RASAL2: variants seen among roughly 807,000 people sequenced by gnomAD.
RASAL2 encodes ras GTPase-activating protein nGAP.
Under a neutral mutation model 128.9 loss-of-function variants are expected in RASAL2, and 58 were observed. The observed-to-expected ratio is 0.45, with a 90% CI of 0.36 to 0.56. The LOEUF (loss-of-function observed/expected upper bound fraction) is 0.56. Ranked by LOEUF, RASAL2 falls within the 20% of genes least tolerant of loss-of-function variation. The pLI, the probability that RASAL2 is intolerant of heterozygous loss-of-function variation, is 0.00. For missense variants in RASAL2, 1,360 were observed against 1,601.6 expected (o/e 0.85, Z 2.57); for synonymous variants, 561 against 580.8 (o/e 0.97, Z 0.49).
chr1:178,094,780 C>A, intron 1 of RASAL2, 86 bp downstream of exon 1: 1 of 1,495,598 alleles, frequency 6.7e-7, no homozygotes, highest in Admixed American at 1.9e-5. Context: ...GGCTCATTCC[C>A]AGTCCTCATC....
Position 178,134,450 on chromosome 1 carries a change from C to A in RASAL2, c.202+39756C>A, listed in dbSNP as rs549197363. On this transcript the variant is annotated intron_variant, in intron 1 of 17. Transcript: ENST00000367649. ...CCCAGCCTAGGTGGCAAAGTGAGACCCTATCTCAAAAAAAAAAAAAAAAAA... is the reference window on the plus strand; with the variant it reads ...CCCAGCCTAGGTGGCAAAGTGAGACACTATCTCAAAAAAAAAAAAAAAAAA... Among the ~76,000 whole-genome samples the A allele has an allele frequency of 2.6e-3, 257 of 96,988 alleles. 1 individual carries two copies. Among genetic ancestry groups the A allele is most frequent in the Middle Eastern group, 5.4e-3 (1 of 184 alleles). The allele number at this position is 96,988 out of a possible 152,430, so 63.6% of individuals were successfully genotyped here.
rs550103234 is a variant in RASAL2, at chr1:178,162,650, C to T, written c.202+67956C>T. Among the ~76,000 whole-genome samples, 250 of 145,714 alleles carry T rather than the reference C, an allele frequency of 1.7e-3. 1 individual carries two copies. The highest frequency in any genetic ancestry group is 6.0e-3 in the African/African-American group (236 of 39,466). On this transcript the variant is annotated intron_variant, in intron 1 of 17. Coordinates refer to ENST00000367649, the MANE Select transcript of RASAL2 (RefSeq NM_170692.4). ...TCACTCAGGCTGGAGTGCAGTGGCA[C>T]GATCTCAGCTCACCACAACCTCCAC... is the stretch of plus-strand genomic sequence containing the variant.
At chr1:178,426,430 C>G (rs1163202209) in intron 5 of RASAL2, among the ~76,000 whole-genome samples, 1 of 152,072 alleles carries the variant, frequency 6.6e-6, no homozygotes, top group Non-Finnish European at 1.5e-5. Flanking sequence ...CAGCCGTGAT[C>G]GTGCCACTGC....
intron 17 of RASAL2, among the ~76,000 whole-genome samples, chr1:178,471,615 G>GT (rs1400205588): frequency 2.0e-5 from 3 of 151,838 alleles, no homozygotes; most frequent in African/African-American, 7.3e-5. Flanking sequence ...GTTTGTTGTT[G>GT]TTTCTTTTTT....
At chr1:178,172,967 A>G (rs1429780196) in intron 1 of RASAL2, among the ~76,000 whole-genome samples, 2 of 152,138 alleles carry the variant, frequency 1.3e-5, no homozygotes, top group Non-Finnish European at 2.9e-5. Flanking sequence ...ATTGTGTAAA[A>G]ATATCTTATA....
intron 1 of RASAL2, among the ~76,000 whole-genome samples, chr1:178,099,382 C>T (rs1658807932): frequency 6.6e-6 from 1 of 152,186 alleles, no homozygotes; most frequent in African/African-American, 2.4e-5. Flanking sequence ...TCAGAGAGAA[C>T]TTCTAAGAAT....
rs534897142 is a variant in RASAL2, at chr1:178,185,560, C to T, written c.202+90866C>T. 3.3e-5 allele frequency among the ~76,000 whole-genome samples: 5 copies of T among 151,240 alleles called. No homozygotes were observed. The South Asian group carries it at 1.0e-3, about 32-fold the overall frequency. On this transcript the variant is annotated intron_variant, in intron 1 of 17. Coordinates refer to ENST00000367649, the MANE Select transcript of RASAL2 (RefSeq NM_170692.4). ...AAGAAGGTTTGTTAACATAGATGAA[C>T]TCATGTCATGGGGAGTGAGGGGGTT...
intron 4 of RASAL2, among the ~76,000 whole-genome samples, chr1:178,395,792 T>TA (rs1491527414): frequency 0.067 from 9,263 of 138,310 alleles, 1,094 homozygotes; most frequent in African/African-American, 0.21. Context: ...TATATATATA[T>TA]TTATTTATTC....
At chr1:178,190,321 A>G (rs549731003) in intron 1 of RASAL2, among the ~76,000 whole-genome samples, 4 of 149,326 alleles carry the variant, frequency 2.7e-5, no homozygotes, top group South Asian at 2.1e-4. Context: ...ACTTAATTTT[A>G]TAAAACCAAA....
chr1:178,451,718 G>A lies in RASAL2; in HGVS notation c.1772+3G>A. On this transcript the variant is annotated splice_donor_region_variant and intron_variant, in intron 10 of 17. Coordinates refer to ENST00000367649, the MANE Select transcript of RASAL2 (RefSeq NM_170692.4). ...TGCAAGATCATCAACTCTTACTGGT[G>A]AGCTTATCTTATCCTCTGCCTTACA... is the stretch of plus-strand genomic sequence containing the variant. 6.2e-7 allele frequency: 1 copy of A among 1,612,128 alleles called. No homozygotes were observed. Among genetic ancestry groups the A allele is most frequent in the South Asian group, 1.1e-5 (1 of 90,744 alleles).
chr1:178,176,195 C>T (rs1018716941), intron 1 of RASAL2, among the ~76,000 whole-genome samples: 4 of 151,652 alleles, frequency 2.6e-5, no homozygotes, highest in Non-Finnish European at 5.9e-5. Context: ...AAGCATTCCC[C>T]TGTCACCACA....
chr1:178,276,914 C>T lies in RASAL2; in HGVS notation c.203-6650C>T, dbSNP rs59708935. Among the ~76,000 whole-genome samples the T allele has an allele frequency of 9.7e-3, 1,470 of 151,588 alleles. 21 individuals are homozygous for T. The highest frequency in any genetic ancestry group is 0.034 in the African/African-American group (1,395 of 41,402). ...CTGTAATCCCAGCACTTTGGGAGGC[C>T]GAGGCTGGCGGATCACAAGGTCAGG... On this transcript the variant is annotated intron_variant, in intron 1 of 17. Coordinates refer to ENST00000367649, the MANE Select transcript of RASAL2 (RefSeq NM_170692.4).
At chr1:178,272,296 C>T (rs924670100) in intron 1 of RASAL2, among the ~76,000 whole-genome samples, 4 of 152,070 alleles carry the variant, frequency 2.6e-5, no homozygotes, top group Non-Finnish European at 4.4e-5. Context: ...CCGGACTATA[C>T]GTCAGAATAA....
At chr1:178,172,068 G>T (rs1413550546) in intron 1 of RASAL2, among the ~76,000 whole-genome samples, 1 of 151,746 alleles carries the variant, frequency 6.6e-6, no homozygotes, top group East Asian at 1.9e-4. Context: ...CCAGGACAAG[G>T]CCTAAGTTTG....
At chr1:178,416,823 G>A (rs1303461948) in intron 4 of RASAL2, among the ~76,000 whole-genome samples, 1 of 152,026 alleles carries the variant, frequency 6.6e-6, no homozygotes, top group Non-Finnish European at 1.5e-5. Flanking sequence ...GGTTTCTGAG[G>A]AGAAGCCAGA....
chr1:178,377,886 A>T (rs894037901), intron 3 of RASAL2, among the ~76,000 whole-genome samples: 1 of 152,118 alleles, frequency 6.6e-6, no homozygotes, highest in African/African-American at 2.4e-5. Context: ...ACGTGTTAAA[A>T]TGTTAAGGAC....
intron 1 of RASAL2, among the ~76,000 whole-genome samples, chr1:178,172,295 G>C (rs925503586): frequency 6.6e-6 from 1 of 152,004 alleles, no homozygotes; most frequent in African/African-American, 2.4e-5. Flanking sequence ...TCTGACTGTG[G>C]CCTAAATAAT....
intron 1 of RASAL2, among the ~76,000 whole-genome samples, chr1:178,219,048 T>C (rs150590915): frequency 1.6e-4 from 24 of 152,394 alleles, no homozygotes; most frequent in African/African-American, 5.0e-4. Flanking sequence ...CTAGATCTTC[T>C]GGATAACTTG....
intron 1 of RASAL2, among the ~76,000 whole-genome samples, chr1:178,144,431 ATATTT>A (rs966845480): frequency 1.3e-5 from 2 of 152,196 alleles, no homozygotes; most frequent in Non-Finnish European, 2.9e-5. Context: ...ATTTTTAAAA[ATATTT>A]TAAAATTGTT....
Sources: allele counts gnomAD v4.1 joint callset (sites outside exome capture counted in the v4.1 genomes callset), GRCh38; gene constraint gnomAD v4.1.1; transcripts MANE v1.5; gene names NCBI Gene and HGNC (gene_info 2026-07-23, HGNC 2026-07-21).